The following ZNF385D variants were observed in gnomAD, a reference collection of about 807,000 sequenced individuals.
ZNF385D encodes zinc finger protein 385D.
ZNF385D carries 15 observed loss-of-function variants against 35.8 expected under a neutral mutation model. The observed-to-expected ratio is 0.42, with a 90% CI of 0.28 to 0.64. The LOEUF (loss-of-function observed/expected upper bound fraction) is 0.64. ZNF385D is among the 30% of genes least tolerant of loss of function. ZNF385D has a pLI of 0.23. For synonymous variants in ZNF385D, 212 were observed against 186.8 expected, an observed-to-expected ratio of 1.13 and a Z score of -1.10; for missense variants, 474 against 494.6, an observed-to-expected ratio of 0.96 and a Z score of 0.39.
intron 3 of ZNF385D, among the ~76,000 whole-genome samples, chr3:21,831,715 G>T (rs1035769276): frequency 2.6e-5 from 4 of 152,088 alleles, no homozygotes; most frequent in Admixed American, 2.6e-4. Context: ...GCCTTCTATT[G>T]GATATAAACA....
chr3:21,701,228 T>C (rs2067670538), intron 1 of ZNF385D, among the ~76,000 whole-genome samples: 1 of 152,140 alleles, frequency 6.6e-6, no homozygotes, highest in Admixed American at 6.5e-5. Context: ...GACTTACAGT[T>C]CCACACGGCT....
chr3:22,138,888 C>T lies in ZNF385D; in HGVS notation c.325+29929G>A, dbSNP rs1014178862. On this transcript the variant is annotated intron_variant, in intron 3 of 5. Transcript: ENST00000494108. The stretch of plus-strand genomic sequence containing the variant: ...CATCAGAGTGAACAGGCAACCTACA[C>T]AATGGGAGAAAATTTTTGCAACCTA... Among the ~76,000 whole-genome samples the T allele has an allele frequency of 2.4e-4, 37 of 151,970 alleles. 1 individual carries two copies. Among genetic ancestry groups the T allele is most frequent in the African/African-American group, 8.7e-4 (36 of 41,440 alleles).
At chr3:21,579,149 G>C (rs1375355382) in intron 2 of ZNF385D, 2 of 152,090 alleles carry the variant, frequency 1.3e-5, no homozygotes, top group African/African-American at 2.4e-5. Context: ...TTTATGACTG[G>C]TCTCTGAATA....
chr3:21,582,892 C>G lies in ZNF385D; in HGVS notation c.166-18208G>C, dbSNP rs1031262595. On this transcript the variant is annotated intron_variant, in intron 2 of 7. Transcript: ENST00000281523. ...TCCTAGGTTCAAGCAATTCTCCTGC[C>G]TCAGTCTCCTGATTAGCTGGGGTTA... Among the ~76,000 whole-genome samples, 61 of 152,140 alleles carry G rather than the reference C, an allele frequency of 4.0e-4. 2 individuals are homozygous for G. Among genetic ancestry groups the G allele is most frequent in the Admixed American group, 1.3e-4 (2 of 15,272 alleles).
At chr3:22,084,106 C>T (rs754761593) in intron 3 of ZNF385D, among the ~76,000 whole-genome samples, 6 of 152,206 alleles carry the variant, frequency 3.9e-5, no homozygotes, top group Non-Finnish European at 8.8e-5. Flanking sequence ...AAGGAACAAC[C>T]AGTACCAGCC....
chr3:21,574,308 A>G (rs557182178), intron 2 of ZNF385D, among the ~76,000 whole-genome samples: 2 of 152,106 alleles, frequency 1.3e-5, no homozygotes, highest in South Asian at 4.1e-4. Context: ...CTACGTGAAT[A>G]AAGTCCGCAA....
At chr3:22,304,557 T>C (rs1703099249) in intron 2 of ZNF385D, among the ~76,000 whole-genome samples, 1 of 152,320 alleles carries the variant, frequency 6.6e-6, no homozygotes, top group South Asian at 2.1e-4. Flanking sequence ...GAAATATTTT[T>C]AATATCTTCT....
chr3:21,578,622 T>C (rs1280398181), intron 2 of ZNF385D, among the ~76,000 whole-genome samples: 1 of 152,178 alleles, frequency 6.6e-6, no homozygotes, highest in African/African-American at 2.4e-5. Context: ...TTGGTGCCTT[T>C]GTCAAAAATT....
chr3:22,325,522 G>C (rs375325113), intron 2 of ZNF385D, among the ~76,000 whole-genome samples: 8 of 152,278 alleles, frequency 5.3e-5, no homozygotes, highest in African/African-American at 1.9e-4. Context: ...CCAGCACCTT[G>C]GGACGCTGAG....
At chr3:22,239,093 A>C (rs1699347924) in intron 2 of ZNF385D, among the ~76,000 whole-genome samples, 1 of 151,002 alleles carries the variant, frequency 6.6e-6, no homozygotes, top group Non-Finnish European at 1.5e-5. Flanking sequence ...TTCAATTCCA[A>C]AGCCTTAACT....
At chr3:22,183,287 G>T (rs1382266049) in intron 2 of ZNF385D, among the ~76,000 whole-genome samples, 1 of 152,058 alleles carries the variant, frequency 6.6e-6, no homozygotes, top group Non-Finnish European at 1.5e-5. Flanking sequence ...TATCTTAAAG[G>T]TAACAGTATG....
At chr3:21,929,813 A>G (rs1310190043) in intron 3 of ZNF385D, among the ~76,000 whole-genome samples, 1 of 152,030 alleles carries the variant, frequency 6.6e-6, no homozygotes, top group African/African-American at 2.4e-5. Flanking sequence ...ATCTAAATAA[A>G]TAGGGAGACA....
intron 3 of ZNF385D, among the ~76,000 whole-genome samples, chr3:21,916,600 C>G (rs73129382): frequency 0.016 from 2,391 of 152,220 alleles, 63 homozygotes; most frequent in African/African-American, 0.053. Context: ...TCTAGTATAG[C>G]CTATAAGCGA....
At chr3:21,647,033 G>A (rs1290119645) in intron 2 of ZNF385D, among the ~76,000 whole-genome samples, 2 of 152,044 alleles carry the variant, frequency 1.3e-5, no homozygotes, top group Non-Finnish European at 2.9e-5. Context: ...ACAAAACAGT[G>A]GCAAGGAAAA....
chr3:21,877,092 T>C (rs1247222308), intron 3 of ZNF385D, among the ~76,000 whole-genome samples: 2 of 152,062 alleles, frequency 1.3e-5, no homozygotes, highest in Non-Finnish European at 2.9e-5. Context: ...GGGATCAGGT[T>C]TATTCGCCTG....
chr3:21,703,578 C>A (rs775943529), intron 1 of ZNF385D, among the ~76,000 whole-genome samples: 4 of 151,918 alleles, frequency 2.6e-5, no homozygotes, highest in South Asian at 2.1e-4. Flanking sequence ...CCATTTATTT[C>A]TTGCTGGGTG....
intron 3 of ZNF385D, among the ~76,000 whole-genome samples, chr3:22,108,768 T>C (rs779174): frequency 0.13 from 20,251 of 152,106 alleles, 1,556 homozygotes; most frequent in Middle Eastern, 0.22. Flanking sequence ...ATCCCAGCAC[T>C]CTGGGAGGCT....
intron 2 of ZNF385D, among the ~76,000 whole-genome samples, chr3:21,580,487 T>G (rs2063623199): frequency 6.6e-6 from 1 of 152,182 alleles, no homozygotes; most frequent in South Asian, 2.1e-4. Context: ...CCAGTTTTCA[T>G]TGTTTGGTTG....
chr3:22,350,708 C>G (rs549695510), intron 2 of ZNF385D, among the ~76,000 whole-genome samples: 1 of 151,768 alleles, frequency 6.6e-6, no homozygotes, highest in African/African-American at 2.4e-5. Context: ...TTTTCACATG[C>G]GATTATAACT....
Sources: gnomAD v4.1 joint callset for allele counts (sites outside exome capture counted in the v4.1 genomes callset) on GRCh38, gnomAD v4.1.1 for gene constraint, MANE v1.5 for transcripts, NCBI Gene and HGNC (gene_info 2026-07-23, HGNC 2026-07-21) for gene names.